The following DCDC1 variants were observed in gnomAD, a reference collection of about 807,000 sequenced individuals.
The protein encoded by DCDC1 is doublecortin domain containing 1, also known as doublecortin domain-containing protein 1.
Under a neutral mutation model 178.3 loss-of-function variants are expected in DCDC1, and 200 were observed. The ratio of observed to expected loss-of-function variants is 1.12; its 90% CI spans 1.00 to 1.26. The LOEUF is 1.26. DCDC1 is among the 50% of genes most tolerant of loss of function. The pLI is 0.00. For missense variants in DCDC1, 1,983 were observed against 1,749.2 expected, an observed-to-expected ratio of 1.13 and a Z score of -2.38; for synonymous variants, 690 against 604.8, an observed-to-expected ratio of 1.14 and a Z score of -2.07.
chr11:31,174,447 T>C (rs1967709800), intron 9 of DCDC1, among the ~76,000 whole-genome samples: 1 of 152,142 alleles, frequency 6.6e-6, no homozygotes, highest in Non-Finnish European at 1.5e-5. Context: ...TGAGGGCAGC[T>C]CGGTGCTGGC....
intron 20 of DCDC1, among the ~76,000 whole-genome samples, chr11:31,020,274 A>C (rs1029849163): frequency 6.6e-6 from 1 of 152,198 alleles, no homozygotes; most frequent in Admixed American, 6.5e-5. Context: ...AAGCCAGACA[A>C]CTTCACAGAT....
intron 36 of DCDC1, among the ~76,000 whole-genome samples, chr11:30,885,972 A>C (rs534206780): frequency 1.3e-5 from 2 of 152,298 alleles, no homozygotes; most frequent in South Asian, 2.1e-4. Context: ...GGTTGAATAA[A>C]TAATACATCA....
At chr11:31,205,761 C>A (rs773996647) in intron 9 of DCDC1, among the ~76,000 whole-genome samples, 3 of 151,958 alleles carry the variant, frequency 2.0e-5, no homozygotes, top group Non-Finnish European at 4.4e-5. Context: ...TTTAAGGTGC[C>A]CATTTTATTT....
chr11:31,125,319 C>G (rs1208842137), intron 11 of DCDC1, among the ~76,000 whole-genome samples: 1 of 152,088 alleles, frequency 6.6e-6, no homozygotes, highest in Non-Finnish European at 1.5e-5. Context: ...TACTTTTACA[C>G]TGTTAGTGGG....
chr11:31,315,646 C>CT (rs59083470), intron 3 of DCDC1, among the ~76,000 whole-genome samples: 1,687 of 112,418 alleles, frequency 0.015, 36 homozygotes, highest in Non-Finnish European at 0.023. Flanking sequence ...ATCTGCATAC[C>CT]TTTTTTTTTT....
At chr11:31,102,922 A>G (rs1221896664) in intron 14 of DCDC1, among the ~76,000 whole-genome samples, 1 of 152,166 alleles carries the variant, frequency 6.6e-6, no homozygotes, top group Non-Finnish European at 1.5e-5. Flanking sequence ...TGGCTCTACC[A>G]TGTACCAGCT....
At chr11:31,272,328 T>C (rs866803749) in intron 7 of DCDC1, among the ~76,000 whole-genome samples, 1 of 152,054 alleles carries the variant, frequency 6.6e-6, no homozygotes, top group African/African-American at 2.4e-5. Flanking sequence ...ACCATATCAT[T>C]TCACTTCTCA....
chr11:31,023,134 C>CA (rs1188671008), intron 20 of DCDC1, among the ~76,000 whole-genome samples: 1 of 152,078 alleles, frequency 6.6e-6, no homozygotes, highest in Non-Finnish European at 1.5e-5. Flanking sequence ...GACAGGGAGG[C>CA]AATCTAGTCT....
chr11:30,883,401 T>C lies in DCDC1; in HGVS notation c.5083-2093A>G, dbSNP rs144352643. 7.6e-4 allele frequency: 312 copies of C among 409,586 alleles called. 1 individual carries two copies. The highest frequency in any genetic ancestry group is 6.2e-3 in the African/African-American group (292 of 46,864). The allele number at this position is 409,586 out of a possible 1,614,324, so 25.4% of individuals were successfully genotyped here. On this transcript the variant is annotated intron_variant, in intron 36 of 38. Coordinates refer to ENST00000684477, the MANE Select transcript of DCDC1 (RefSeq NM_001387274.1). ...AGACATCAGATATTAAACCTATACA[T>C]TATTGGTGTTACTGGAGAGGAATCT...
chr11:31,171,216 C>G (rs1967190438), intron 9 of DCDC1, among the ~76,000 whole-genome samples: 1 of 152,064 alleles, frequency 6.6e-6, no homozygotes, highest in Non-Finnish European at 1.5e-5. Context: ...ATCACTGGAA[C>G]AGGAGAAGCT....
At chr11:31,134,776 C>G (rs1962912194) in intron 10 of DCDC1, among the ~76,000 whole-genome samples, 1 of 152,200 alleles carries the variant, frequency 6.6e-6, no homozygotes, top group Non-Finnish European at 1.5e-5. Context: ...GAGGGGATCA[C>G]TTGAGGCCAG....
chr11:31,337,742 T>C (rs1276989399), intron 1 of DCDC1, among the ~76,000 whole-genome samples: 4 of 152,100 alleles, frequency 2.6e-5, no homozygotes, highest in Non-Finnish European at 4.4e-5. Flanking sequence ...CCCAAGCTTA[T>C]TGTGTTAGGT....
intron 9 of DCDC1, among the ~76,000 whole-genome samples, chr11:31,182,598 A>AAACAAC (rs751802880): frequency 2.0e-5 from 3 of 152,068 alleles, no homozygotes; most frequent in East Asian, 1.9e-4. Flanking sequence ...TGTAAAAACA[A>AAACAAC]AACAACAACA....
At chr11:31,364,306 A>G (rs1477466688) in intron 1 of DCDC1, among the ~76,000 whole-genome samples, 1 of 152,164 alleles carries the variant, frequency 6.6e-6, no homozygotes, top group East Asian at 1.9e-4. Flanking sequence ...CACAAATTTC[A>G]GTGTAGTTGG....
intron 35 of DCDC1, among the ~76,000 whole-genome samples, chr11:30,893,749 C>T (rs947280242): frequency 4.6e-5 from 7 of 152,170 alleles, no homozygotes; most frequent in East Asian, 3.9e-4. Flanking sequence ...TCTCTCTCCC[C>T]GGTCCTCTCT....
At chr11:30,907,500 G>A (rs1945146991) in intron 29 of DCDC1, among the ~76,000 whole-genome samples, 1 of 152,148 alleles carries the variant, frequency 6.6e-6, no homozygotes, top group Non-Finnish European at 1.5e-5. Context: ...ACTAACAAAT[G>A]TGATGCAAGC....
intron 22 of DCDC1, among the ~76,000 whole-genome samples, chr11:30,926,110 C>T (rs924213084): frequency 3.3e-5 from 5 of 152,112 alleles, no homozygotes; most frequent in African/African-American, 9.7e-5. Flanking sequence ...AATATGAAGT[C>T]GTAGGTGCTG....
intron 11 of DCDC1, among the ~76,000 whole-genome samples, chr11:31,113,981 C>T (rs540803886): frequency 1.3e-5 from 2 of 152,192 alleles, no homozygotes; most frequent in South Asian, 4.1e-4. Context: ...TCTCTTCCAC[C>T]ACCCACCCAC....
intron 20 of DCDC1, among the ~76,000 whole-genome samples, chr11:30,955,437 C>G (rs1490291198): frequency 6.6e-6 from 1 of 152,174 alleles, no homozygotes; most frequent in Non-Finnish European, 1.5e-5. Context: ...TATCCAACAT[C>G]TTTTCATTAT....
Sources: allele counts gnomAD v4.1 joint callset (sites outside exome capture counted in the v4.1 genomes callset), GRCh38; gene constraint gnomAD v4.1.1; transcripts MANE v1.5; gene names NCBI Gene and HGNC (gene_info 2026-07-23, HGNC 2026-07-21).